ARHGAP10: variants seen among roughly 807,000 people sequenced by gnomAD.
ARHGAP10 encodes the protein Rho GTPase activating protein 10, also known as rho GTPase-activating protein 10.
In ARHGAP10, 87 loss-of-function variants were observed where a neutral mutation model predicts 108.6. The ratio of observed to expected loss-of-function variants is 0.80; its 90% CI spans 0.67 to 0.96. The LOEUF is 0.96. Ranked by LOEUF, ARHGAP10 falls within the 40% of genes least tolerant of loss-of-function variation. The pLI is 0.00. For synonymous variants in ARHGAP10, 347 were observed against 341.1 expected (o/e 1.02, Z -0.19); for missense variants, 939 against 954.5 (o/e 0.98, Z 0.21).
At chr4:147,785,477 A>G (rs1284891672) in intron 1 of ARHGAP10, among the ~76,000 whole-genome samples, 3 of 152,162 alleles carry the variant, frequency 2.0e-5, no homozygotes, top group Admixed American at 6.5e-5. Flanking sequence ...AAATATTGCA[A>G]AGATAATGTT....
intron 13 of ARHGAP10, among the ~76,000 whole-genome samples, chr4:147,920,313 AG>A (rs1191541799): frequency 6.6e-6 from 1 of 151,912 alleles, no homozygotes; most frequent in African/African-American, 2.4e-5. Context: ...GCTGCTTGGG[AG>A]GCTGAGGCAG....
At chr4:147,980,582 T>C (rs540786202) in intron 18 of ARHGAP10, among the ~76,000 whole-genome samples, 2 of 152,284 alleles carry the variant, frequency 1.3e-5, no homozygotes, top group African/African-American at 4.8e-5. Context: ...CCCTCCTCTA[T>C]TTTTTGGAAT....
intron 10 of ARHGAP10, among the ~76,000 whole-genome samples, chr4:147,891,165 A>G (rs1040797050): frequency 1.3e-5 from 2 of 152,242 alleles, no homozygotes; most frequent in African/African-American, 4.8e-5. Context: ...GTTTACACAG[A>G]AACTTGTGAA....
At chr4:147,885,516 G>T (rs1237091777) in intron 10 of ARHGAP10, among the ~76,000 whole-genome samples, 1 of 152,198 alleles carries the variant, frequency 6.6e-6, no homozygotes, top group Non-Finnish European at 1.5e-5. Context: ...TACAATTCAA[G>T]TTGAGACTTG....
At chr4:147,865,201 G>A in intron 6 of ARHGAP10, 1 of 347,858 alleles carries the variant, frequency 2.9e-6, no homozygotes, top group Non-Finnish European at 5.2e-6. Flanking sequence ...TCTCAAGGAA[G>A]GCAACCATGT....
chr4:148,053,480 G>A (rs1447836701), intron 20 of ARHGAP10, among the ~76,000 whole-genome samples: 1 of 152,162 alleles, frequency 6.6e-6, no homozygotes, highest in Non-Finnish European at 1.5e-5. Context: ...TGAGATGCGG[G>A]CGGGAGGGCC....
intron 22 of ARHGAP10, among the ~76,000 whole-genome samples, chr4:148,070,229 C>T (rs968500863): frequency 1.3e-5 from 2 of 152,162 alleles, no homozygotes; most frequent in African/African-American, 4.8e-5. Flanking sequence ...GGAGCCCCGA[C>T]CTGGTCTGGA....
At chr4:147,834,647 C>T (rs936863097) in intron 3 of ARHGAP10, among the ~76,000 whole-genome samples, 14 of 151,922 alleles carry the variant, frequency 9.2e-5, no homozygotes, top group Admixed American at 2.6e-4. Flanking sequence ...ACTGCAGCCT[C>T]ACCCACACAC....
chr4:147,746,172 T>C (rs1393030531), intron 1 of ARHGAP10, among the ~76,000 whole-genome samples: 1 of 151,848 alleles, frequency 6.6e-6, no homozygotes, highest in Admixed American at 6.6e-5. Context: ...GGCGTGATCT[T>C]GGCTCACTGC....
chr4:147,871,251 T>C (rs1734813546), intron 7 of ARHGAP10, among the ~76,000 whole-genome samples: 1 of 151,990 alleles, frequency 6.6e-6, no homozygotes, highest in African/African-American at 2.4e-5. Flanking sequence ...AGCCACCACG[T>C]CCGGCCGTGT....
chr4:147,871,395 GTCTC>G (rs1734818337), intron 7 of ARHGAP10, among the ~76,000 whole-genome samples: 1 of 152,076 alleles, frequency 6.6e-6, no homozygotes, highest in Admixed American at 6.6e-5. Context: ...ATTCGTGTCC[GTCTC>G]TCTATTTTAC....
intron 16 of ARHGAP10, among the ~76,000 whole-genome samples, chr4:147,961,336 A>AG (rs1427718310): frequency 6.6e-6 from 1 of 152,124 alleles, no homozygotes; most frequent in Non-Finnish European, 1.5e-5. Context: ...CACTGGAATA[A>AG]ATATTTTGTG....
chr4:147,978,477 A>AT (rs1739685066), intron 18 of ARHGAP10, among the ~76,000 whole-genome samples: 1 of 152,166 alleles, frequency 6.6e-6, no homozygotes, highest in Non-Finnish European at 1.5e-5. Flanking sequence ...TGATTGGATA[A>AT]TGGGGGTGGA....
At position 147,787,916 on chromosome 4, in the gene ARHGAP10, AG is replaced by A. The variant is rs374074720; in HGVS notation, c.155-34808del. ...TCTGTGACTTAGAAAGTGAATAAGG[AG>A]GGTACCTTTGATAGGATTAGGAATA... On this transcript the variant is annotated intron_variant, in intron 1 of 22. Coordinates refer to ENST00000336498, the MANE Select transcript of ARHGAP10 (RefSeq NM_024605.4). Among the ~76,000 whole-genome samples, 103 of 152,302 alleles carry A rather than the reference AG, an allele frequency of 6.8e-4. 1 individual carries two copies. The East Asian group carries it at 0.013, about 20-fold the overall frequency.
At chr4:148,042,165 T>C (rs796724367) in intron 19 of ARHGAP10, among the ~76,000 whole-genome samples, 78 of 152,266 alleles carry the variant, frequency 5.1e-4, no homozygotes, top group African/African-American at 1.8e-3. Context: ...CCTATTTCAG[T>C]TAATGATTCT....
intron 10 of ARHGAP10, among the ~76,000 whole-genome samples, chr4:147,894,192 A>G (rs556426589): frequency 8.6e-4 from 131 of 152,280 alleles, no homozygotes; most frequent in African/African-American, 2.9e-3. Context: ...TTCTCAGGCA[A>G]TTAAGGTTAC....
chr4:147,876,619 CAAAA>C (rs1735073325), intron 8 of ARHGAP10, among the ~76,000 whole-genome samples: 1 of 151,882 alleles, frequency 6.6e-6, no homozygotes, highest in African/African-American at 2.4e-5. Flanking sequence ...CAAAACAAAA[CAAAA>C]AACCACCTCG....
intron 16 of ARHGAP10, among the ~76,000 whole-genome samples, chr4:147,964,190 G>GC (rs1330575016): frequency 2.6e-5 from 4 of 152,098 alleles, no homozygotes; most frequent in African/African-American, 9.7e-5. Flanking sequence ...TCCTCTGCGG[G>GC]CCCTTACGCT....
At chr4:147,755,383 CTGTT>C (rs1183711836) in intron 1 of ARHGAP10, among the ~76,000 whole-genome samples, 6 of 152,062 alleles carry the variant, frequency 3.9e-5, no homozygotes, top group African/African-American at 1.4e-4. Context: ...TTCCATCTGA[CTGTT>C]TGTAAACAGG....
Sources: gnomAD v4.1 joint callset for allele counts (sites outside exome capture counted in the v4.1 genomes callset) on GRCh38, gnomAD v4.1.1 for gene constraint, MANE v1.5 for transcripts, NCBI Gene and HGNC (gene_info 2026-07-23, HGNC 2026-07-21) for gene names.